Variants in SMARCC2 observed in about 807,000 individuals in gnomAD.
SMARCC2 encodes SWI/SNF related BAF chromatin remodeling complex subunit C2.
A neutral mutation model predicts 151.3 loss-of-function variants in SMARCC2; 15 were observed. The observed-to-expected ratio is 0.10, with a 90% CI of 0.07 to 0.15. The LOEUF is 0.15. Ranked by LOEUF, SMARCC2 falls within the 10% of genes least tolerant of loss-of-function variation. The pLI, the probability that SMARCC2 is intolerant of heterozygous loss-of-function variation, is 1.00. For missense variants in SMARCC2, 1,031 were observed against 1,599.7 expected (o/e 0.64, Z 6.06); for synonymous variants, 590 against 609.5 (o/e 0.97, Z 0.47).
At position 56,187,292 on chromosome 12, in the gene SMARCC2, T is replaced by C. The variant is rs1592329593; in HGVS notation, c.126A>G (p.Glu42=). The C allele has an allele frequency of 1.2e-6, 2 of 1,613,414 alleles. No homozygotes were observed. The highest frequency in any genetic ancestry group is 2.2e-5 in the South Asian group (2 of 91,042). The part of the protein sequence containing the change: ...GKNYKKYIQA[E]PPTNKSLSSL... The stretch of plus-strand genomic sequence containing the variant: ...TAGACAGGGACTTGTTGGTGGGTGG[T>C]TCAGCTTGTATATACTAAGGAAAAA... The change falls in exon 2 of 29, where the codon GAA becomes GAG. Residue 42 remains glutamate, a synonymous_variant. Coordinates refer to ENST00000550164, the MANE Select transcript of SMARCC2 (RefSeq NM_001330288.2).
At chr12:56,167,348 CAAATAAAT>C (rs577110686) in intron 26 of SMARCC2, among the ~76,000 whole-genome samples, 9 of 151,780 alleles carry the variant, frequency 5.9e-5, no homozygotes, top group South Asian at 2.1e-4. Flanking sequence ...AACTCTGTCT[CAAATAAAT>C]AAATAAATAA....
At chr12:56,184,804 T>C (rs1876913363) in intron 5 of SMARCC2, 40 bp downstream of exon 5, 1 of 1,193,278 alleles carries the variant, frequency 8.4e-7, no homozygotes, top group South Asian at 1.2e-5. Context: ...GGGAAAACAG[T>C]CATGGAGTTT....
chr12:56,181,274 A>C (rs1318214331), intron 10 of SMARCC2, 173 bp from the exon 11 acceptor site: 1 of 688,334 alleles, frequency 1.5e-6, no homozygotes, highest in Non-Finnish European at 2.4e-6. Flanking sequence ...CACTTGATAA[A>C]GCTCTCTTTA....
rs772121498 is a variant in SMARCC2 at position 56,181,094 on chromosome 12, T to C, written c.964A>G (p.Thr322Ala). 7 of 1,611,748 alleles carry C rather than the reference T, an allele frequency of 4.3e-6. No individual in the cohort carries two copies. The highest frequency in any genetic ancestry group is 5.9e-6 in the Non-Finnish European group (7 of 1,179,298). Residue 322 changes from threonine to alanine, a missense_variant, in exon 11 of 29, where the codon ACA (threonine) becomes GCA (alanine). Around this residue, in one of 12 missense-constraint regions of SMARCC2, gnomAD observed 127 missense variants for 141.7 expected, o/e 0.90. Transcript: ENST00000550164. ...CCACGCTTTGACTTAGTGTAAGGTGTTGAGGGACTGGGAAGGAAAGAGAGT... is the reference window on the plus strand; with the variant it reads ...CCACGCTTTGACTTAGTGTAAGGTGCTGAGGGACTGGGAAGGAAAGAGAGT... The part of the protein sequence containing the change: ...KKKNAKKGPS[T>A]PYTKSKRGHR...
Position 56,178,431 on chromosome 12 carries a change from C to G in SMARCC2, c.1283G>C (p.Ser428Thr), listed in dbSNP as rs1418232893. Residue 428 changes from serine (S) to threonine (T), a missense_variant, in exon 14 of 29, where the codon AGC (serine) becomes ACC (threonine). By Grantham distance (58) the Ser-to-Thr change is moderately conservative (BLOSUM62 1). Around this residue, in one of 12 missense-constraint regions of SMARCC2, gnomAD observed 51 missense variants for 135.1 expected, o/e 0.38. Transcript: ENST00000550164. Reference sequence around the variant, plus strand: ...ATTGTAGTCAAACCAGGCAGCGTAGCTGGGAATGATGATGTGGTGGGTCTG... The same window carrying G: ...ATTGTAGTCAAACCAGGCAGCGTAGGTGGGAATGATGATGTGGTGGGTCTG... ...TEQTHHIIIP[S>T]YAAWFDYNSV... The G allele has an allele frequency of 1.2e-6, 2 of 1,614,112 alleles. No homozygotes were observed. The highest frequency in any genetic ancestry group is 1.7e-6 in the Non-Finnish European group (2 of 1,180,030).
Position 56,163,771 on chromosome 12 carries a change from G to C in SMARCC2, c.3662-6C>G, listed in dbSNP as rs1260245442. The stretch of plus-strand genomic sequence containing the variant: ...AGGCAGGGGGGTGCCTGGGTCTGTG[G>C]AGAAAAGGAAGATAAATCAGTTAGA... On this transcript the variant is annotated splice_polypyrimidine_tract_variant and splice_region_variant and intron_variant, in intron 28 of 28. Transcript: ENST00000550164. The C allele has an allele frequency of 4.0e-6, 6 of 1,512,262 alleles. No homozygotes were observed. The Admixed American group carries it at 1.3e-4, about 33-fold the overall frequency. The allele number at this position is 1,512,262 out of a possible 1,614,324, so 93.7% of individuals were successfully genotyped here. A position where few individuals can be genotyped will look rare whatever the true frequency, so the allele number is the denominator to read the frequency against.
At chr12:56,178,642 C>T (rs1448498106) in intron 13 of SMARCC2, 108 bp from the exon 14 acceptor site, 20 of 1,536,886 alleles carry the variant, frequency 1.3e-5, no homozygotes, top group Non-Finnish European at 1.8e-5. Context: ...GGTGATGGGA[C>T]TGAGCAGTCA....
intron 25 of SMARCC2, 52 bp downstream of exon 25, chr12:56,169,477 G>A: frequency 1.9e-6 from 3 of 1,584,522 alleles, no homozygotes; most frequent in Admixed American, 1.7e-5. Context: ...AGTGAGATGA[G>A]ATTAGAGAAG....
chr12:56,171,195 G>T lies in SMARCC2; in HGVS notation c.2347+76C>A. 6.9e-7 allele frequency: 1 copy of T among 1,455,570 alleles called. No homozygotes were observed. The highest frequency in any genetic ancestry group is 9.6e-7 in the Non-Finnish European group (1 of 1,043,874). 90.2% of individuals were successfully genotyped at this position (1,455,570 alleles called of 1,614,324 possible). A position where few individuals can be genotyped will look rare whatever the true frequency, so the allele number is the denominator to read the frequency against. On this transcript the variant is annotated intron_variant, in intron 22 of 28. Transcript: ENST00000550164. The surrounding 1 kb of genome is among the most constrained non-coding windows in gnomAD (Gnocchi z 4.2). ...TGTTGTGCTCTAATGCCAACTTGAG[G>T]CAGAAATGGCACAGGAGGCCAGGTA...
chr12:56,166,942 T>C (rs567500446), intron 26 of SMARCC2, among the ~76,000 whole-genome samples: 1 of 151,338 alleles, frequency 6.6e-6, no homozygotes, highest in East Asian at 1.9e-4. Context: ...CATGTGCCTG[T>C]AATCCCAGCT....
intron 5 of SMARCC2, chr12:56,184,599 G>C: frequency 1.8e-6 from 1 of 553,980 alleles, no homozygotes; most frequent in East Asian, 3.1e-5. Context: ...CTCAGTAGAA[G>C]TGGATACTAT....
intron 26 of SMARCC2, 94 bp from the exon 27 acceptor site, chr12:56,165,793 G>A (rs776118049): frequency 5.4e-6 from 7 of 1,294,310 alleles, no homozygotes; most frequent in Non-Finnish European, 7.7e-6. Context: ...GAAAGAGCCT[G>A]CCTCTCAATC....
chr12:56,189,173 G>C (rs1230198666), intron 1 of SMARCC2, among the ~76,000 whole-genome samples, 178 bp downstream of exon 1: 1 of 147,686 alleles, frequency 6.8e-6, no homozygotes, highest in Non-Finnish European at 1.5e-5. Flanking sequence ...CTGGGGGTGC[G>C]GGGAGAGGGA....
In SMARCC2 at chr12:56,181,536, C is replaced by A. The variant is rs200224449; in HGVS notation, c.902G>T (p.Arg301Leu). ...KKGGNYKKRK[R>L]SPSPSPTPEA... Reference sequence around the variant, plus strand: ...TGGGGTTGGTGAAGGAGAGGGGGAGCGCTTCCTCTTCTTATAGTTTCCCCC... The same window carrying A: ...TGGGGTTGGTGAAGGAGAGGGGGAGAGCTTCCTCTTCTTATAGTTTCCCCC... The change falls in exon 10 of 29, where the codon CGC becomes CTC. Residue 301 changes from arginine (R) to leucine (L), a missense_variant. Arg to Leu is a moderately radical substitution (Grantham distance 102, BLOSUM62 -2). Transcript: ENST00000550164. The A allele has an allele frequency of 6.3e-7, 1 of 1,579,060 alleles. No homozygotes were observed. Among genetic ancestry groups the A allele is most frequent in the Non-Finnish European group, 8.6e-7 (1 of 1,164,882 alleles).
At chr12:56,181,982 A>T in intron 8 of SMARCC2, 22 bp downstream of exon 8, 7 of 1,599,360 alleles carry the variant, frequency 4.4e-6, no homozygotes, top group Non-Finnish European at 5.1e-6. Flanking sequence ...TTTGGGGAAG[A>T]GGGGATACAA....
intron 22 of SMARCC2, among the ~76,000 whole-genome samples, chr12:56,170,504 C>A (rs1464061196): frequency 2.0e-5 from 3 of 152,088 alleles, no homozygotes; most frequent in Non-Finnish European, 4.4e-5. Flanking sequence ...TGGCTCACTG[C>A]AGCCTTGACT....
At chr12:56,180,444 C>T (rs1175718315) in intron 11 of SMARCC2, among the ~76,000 whole-genome samples, 1 of 142,584 alleles carries the variant, frequency 7.0e-6, no homozygotes, top group Non-Finnish European at 1.5e-5. Flanking sequence ...GCTCTTGTCG[C>T]CCAGGCTGGA....
intron 15 of SMARCC2, among the ~76,000 whole-genome samples, chr12:56,176,701 C>T (rs569661056): frequency 1.3e-5 from 2 of 151,432 alleles, no homozygotes; most frequent in Non-Finnish European, 2.9e-5. Context: ...AGTGCAGTGG[C>T]GTGATCTCGG....
At chr12:56,179,298 C>A (rs932374114) in intron 11 of SMARCC2, among the ~76,000 whole-genome samples, 1 of 152,226 alleles carries the variant, frequency 6.6e-6, no homozygotes, top group Admixed American at 6.5e-5. Flanking sequence ...TTGTCTTTGA[C>A]AGGCCTTTAT....
Sources: gnomAD v4.1 joint callset for allele counts (sites outside exome capture counted in the v4.1 genomes callset) on GRCh38, gnomAD v4.1.1 for gene constraint, gnomAD v4.1.1 regional missense constraint, Gnocchi (gnomAD v3.1) non-coding constraint, MANE v1.5 for transcripts, NCBI Gene and HGNC (gene_info 2026-07-23, HGNC 2026-07-21) for gene names.